The following POU2AF2 variants were observed in gnomAD, a reference collection of about 807,000 sequenced individuals.
POU2AF2 encodes the protein POU class 2 homeobox associating factor 2, also known as POU domain class 2-associating factor 2.
the POU2AF2 span, among the ~76,000 whole-genome samples, chr11:111,283,836 C>T: frequency 6.6e-6 from 1 of 152,262 alleles, no homozygotes; most frequent in East Asian, 1.9e-4. Flanking sequence ...AATGAATGAA[C>T]AGACACGGTA....
chr11:111,246,232 T>C, the POU2AF2 span, among the ~76,000 whole-genome samples: 3 of 152,210 alleles, frequency 2.0e-5, no homozygotes, highest in Non-Finnish European at 4.4e-5. Context: ...CTCTCAACTA[T>C]AGAGAAAGTG....
chr11:111,284,251 C>T, the POU2AF2 span: 2 of 1,614,246 alleles, frequency 1.2e-6, no homozygotes, highest in Non-Finnish European at 1.7e-6. Flanking sequence ...CCTACTTCCC[C>T]CAGGAGCCCT....
the POU2AF2 span, among the ~76,000 whole-genome samples, chr11:111,261,459 T>C: frequency 1.3e-5 from 2 of 152,226 alleles, no homozygotes; most frequent in African/African-American, 4.8e-5. Flanking sequence ...TTCAGTTTTG[T>C]TTTGAAAGTT....
At chr11:111,248,743 G>A in the POU2AF2 span, among the ~76,000 whole-genome samples, 1 of 152,158 alleles carries the variant, frequency 6.6e-6, no homozygotes, top group African/African-American at 2.4e-5. Flanking sequence ...TTTAAAAGCA[G>A]TAACAGGTAC....
the POU2AF2 span, among the ~76,000 whole-genome samples, chr11:111,246,969 C>T: frequency 2.0e-5 from 3 of 152,126 alleles, no homozygotes; most frequent in African/African-American, 7.2e-5. Context: ...CATTTCCTCC[C>T]CCACCTCAAT....
chr11:111,286,031 T>C, the POU2AF2 span: 1 of 1,613,532 alleles, frequency 6.2e-7, no homozygotes, highest in Non-Finnish European at 8.5e-7. Flanking sequence ...CTGGGGGTCA[T>C]ATGAATGCCG....
chr11:111,269,745 G>A, the POU2AF2 span, among the ~76,000 whole-genome samples: 1 of 152,058 alleles, frequency 6.6e-6, no homozygotes, highest in Admixed American at 6.6e-5. Flanking sequence ...AGATCCAGGG[G>A]TAAAAAATGT....
the POU2AF2 span, among the ~76,000 whole-genome samples, chr11:111,246,021 T>C: frequency 6.6e-6 from 1 of 152,342 alleles, no homozygotes; most frequent in South Asian, 2.1e-4. Flanking sequence ...GGACTACCTA[T>C]TTAGAACTCT....
the POU2AF2 span, among the ~76,000 whole-genome samples, chr11:111,265,096 A>G: frequency 6.6e-6 from 1 of 152,182 alleles, no homozygotes; most frequent in East Asian, 1.9e-4. Context: ...AGCAGAACAC[A>G]CGAAAGGGGC....
the POU2AF2 span, among the ~76,000 whole-genome samples, chr11:111,264,493 AAAGAAAGAAAGAAAGAAAG>A: frequency 3.1e-4 from 1 of 3,184 alleles, no homozygotes; most frequent in African/African-American, 7.6e-4. Flanking sequence ...AAGACTCACG[AAAGAAAGAAAGAAAGAAAG>A]AAAGAAAGAA....
the POU2AF2 span, among the ~76,000 whole-genome samples, chr11:111,265,872 A>C: frequency 1.4e-5 from 1 of 73,594 alleles, no homozygotes; most frequent in Non-Finnish European, 2.6e-5. Flanking sequence ...CCTAGGAATA[A>C]ATTAAAAAAA....
At chr11:111,256,219 C>T in the POU2AF2 span, 63 of 396,328 alleles carry the variant, frequency 1.6e-4, no homozygotes, top group African/African-American at 1.2e-3. Context: ...AACTGGCACG[C>T]AGTATAGAAT....
the POU2AF2 span, among the ~76,000 whole-genome samples, chr11:111,280,056 AAAT>A: frequency 0.013 from 995 of 77,380 alleles, 2 homozygotes; most frequent in African/African-American, 0.016. Flanking sequence ...AAAAAAAAAA[AAAT>A]ATATATATAT....
the POU2AF2 span, among the ~76,000 whole-genome samples, chr11:111,279,759 A>G: frequency 6.6e-6 from 1 of 152,234 alleles, no homozygotes; most frequent in African/African-American, 2.4e-5. Context: ...TAAGGTATCA[A>G]TATAACTTTG....
the POU2AF2 span, among the ~76,000 whole-genome samples, chr11:111,259,549 C>T: frequency 1.3e-5 from 2 of 152,150 alleles, no homozygotes; most frequent in Non-Finnish European, 2.9e-5. Flanking sequence ...CTCCTGACCT[C>T]AGGTAATCCA....
the POU2AF2 span, among the ~76,000 whole-genome samples, chr11:111,276,453 A>AAAAAAAAAAAAAAAAATATATAT: frequency 2.7e-5 from 1 of 37,688 alleles, no homozygotes; most frequent in African/African-American, 9.6e-5. Flanking sequence ...AAAAAAAAAA[A>AAAAAAAAAAAAAAAAATATATAT]ATATATATAT....
chr11:111,256,887 T>C, the POU2AF2 span, among the ~76,000 whole-genome samples: 1 of 152,228 alleles, frequency 6.6e-6, no homozygotes, highest in Non-Finnish European at 1.5e-5. Flanking sequence ...AAAAATCTTC[T>C]GTGTAACATG....
the POU2AF2 span, among the ~76,000 whole-genome samples, chr11:111,282,241 T>C: frequency 6.6e-6 from 1 of 152,264 alleles, no homozygotes; most frequent in African/African-American, 2.4e-5. Context: ...GGAGTATAGA[T>C]GAGAGCCTGG....
the POU2AF2 span, among the ~76,000 whole-genome samples, chr11:111,253,094 C>T: frequency 6.6e-6 from 1 of 151,988 alleles, no homozygotes; most frequent in Non-Finnish European, 1.5e-5. Flanking sequence ...GCTTTATTCC[C>T]CTGGTTTTTC....
Sources: gnomAD v4.1 joint callset for allele counts (sites outside exome capture counted in the v4.1 genomes callset) on GRCh38, gnomAD v4.1.1 for gene constraint, MANE v1.5 for transcripts, NCBI Gene and HGNC (gene_info 2026-07-23, HGNC 2026-07-21) for gene names.